B3GLCT: variants seen among roughly 807,000 people sequenced by gnomAD.
B3GLCT encodes the protein beta-1,3-glucosyltransferase.
Under a neutral mutation model 63.4 loss-of-function variants are expected in B3GLCT, and 65 were observed. The observed-to-expected ratio is 1.03, with a 90% CI of 0.84 to 1.26. The LOEUF (loss-of-function observed/expected upper bound fraction) is 1.26, where lower values mean the gene tolerates loss of function less well. Among genes scored for constraint, B3GLCT ranks in the 50% most tolerant of loss-of-function variants. The pLI is 0.00. For synonymous variants in B3GLCT, 233 were observed against 219.2 expected (o/e 1.06, Z -0.55); for missense variants, 577 against 604.8 (o/e 0.95, Z 0.48).
At chr13:31,277,454 A>T (rs2137863715) in intron 10 of B3GLCT, among the ~76,000 whole-genome samples, 1 of 151,764 alleles carries the variant, frequency 6.6e-6, no homozygotes, top group African/African-American at 2.4e-5. Flanking sequence ...CCTTATTTCA[A>T]GCAACACTTT....
chr13:31,264,609 A>G (rs1872203161), intron 7 of B3GLCT, among the ~76,000 whole-genome samples: 2 of 152,200 alleles, frequency 1.3e-5, no homozygotes, highest in Non-Finnish European at 1.5e-5. Flanking sequence ...CCCATCTAGC[A>G]TAGCAACTAT....
chr13:31,222,927 T>A, intron 2 of B3GLCT, 25 bp from the exon 3 acceptor site: 3 of 1,456,632 alleles, frequency 2.1e-6, no homozygotes, highest in Non-Finnish European at 2.9e-6. Context: ...GAGATTCATC[T>A]TTTTCTCTTT....
intron 1 of B3GLCT, among the ~76,000 whole-genome samples, chr13:31,200,543 T>TGGCGGC (rs890866549): frequency 6.7e-6 from 1 of 149,628 alleles, no homozygotes; most frequent in African/African-American, 2.4e-5. Flanking sequence ...ACAGCGCGAG[T>TGGCGGC]GGCGGCGGCG....
chr13:31,217,065 A>G (rs1869600609), intron 2 of B3GLCT, among the ~76,000 whole-genome samples: 1 of 152,232 alleles, frequency 6.6e-6, no homozygotes, highest in Non-Finnish European at 1.5e-5. Flanking sequence ...CACCAGCCAT[A>G]TGTAAGTGTT....
chr13:31,304,639 ATT>A (rs1349802161), intron 12 of B3GLCT, among the ~76,000 whole-genome samples: 3 of 40,116 alleles, frequency 7.5e-5, no homozygotes, highest in Admixed American at 7.0e-4. Context: ...TATCCTAAAT[ATT>A]TATGCACCCA....
intron 12 of B3GLCT, among the ~76,000 whole-genome samples, chr13:31,315,578 A>ATT (rs1874954864): frequency 6.6e-6 from 1 of 152,240 alleles, no homozygotes; most frequent in African/African-American, 2.4e-5. Flanking sequence ...ATTGGAACTT[A>ATT]TTAAAAGGGA....
rs543058067 is a variant in B3GLCT, at chr13:31,310,685, A to T, written c.1065-6881A>T. On this transcript the variant is annotated intron_variant, in intron 12 of 14. Coordinates refer to ENST00000343307, the MANE Select transcript of B3GLCT (RefSeq NM_194318.4). ...TGCCCCCATTCACGAAAGCATGCAGATGGTAGGAATGAATGAGCTATAACA... is the reference window on the plus strand; with the variant it reads ...TGCCCCCATTCACGAAAGCATGCAGTTGGTAGGAATGAATGAGCTATAACA... Among the ~76,000 whole-genome samples the T allele has an allele frequency of 6.0e-3, 910 of 152,284 alleles. 14 individuals carry two copies. Among genetic ancestry groups the T allele is most frequent in the African/African-American group, 0.021 (865 of 41,554 alleles).
intron 3 of B3GLCT, among the ~76,000 whole-genome samples, chr13:31,225,404 A>G (rs1000067647): frequency 6.6e-6 from 1 of 152,218 alleles, no homozygotes; most frequent in African/African-American, 2.4e-5. Flanking sequence ...CTCAGCCAGA[A>G]TGTGATTCAG....
chr13:31,243,357 T>A (rs929384853), intron 4 of B3GLCT, among the ~76,000 whole-genome samples: 1 of 152,214 alleles, frequency 6.6e-6, no homozygotes, highest in Admixed American at 6.5e-5. Flanking sequence ...CAGCACCATG[T>A]AGTTTAATTG....
intron 1 of B3GLCT, among the ~76,000 whole-genome samples, chr13:31,202,492 T>C (rs200507425): frequency 7.0e-4 from 107 of 152,340 alleles, no homozygotes; most frequent in East Asian, 1.5e-3. Context: ...GTAGCAGAGA[T>C]TGACAGCCAC....
At position 31,329,800 on chromosome 13, in the gene B3GLCT, T is replaced by A. The variant is rs1875824909; in HGVS notation, c.*132T>A. 1 of 979,174 alleles carries A rather than the reference T, an allele frequency of 1.0e-6. No individual in the cohort carries two copies. The highest frequency in any genetic ancestry group is 1.6e-6 in the Non-Finnish European group (1 of 639,734). 60.7% of individuals were successfully genotyped at this position (979,174 alleles called of 1,614,324 possible). On this transcript the variant is annotated 3_prime_UTR_variant, in exon 15 of 15. Transcript: ENST00000343307. Reference sequence around the variant, plus strand: ...GTGCTTCCTGACTTTAGGGGGAGATTTTATGTATGGTATTTTTTGACAGAG... The same window carrying A: ...GTGCTTCCTGACTTTAGGGGGAGATATTATGTATGGTATTTTTTGACAGAG...
chr13:31,259,702 C>CTG (rs1164752690), intron 6 of B3GLCT, among the ~76,000 whole-genome samples: 1 of 151,930 alleles, frequency 6.6e-6, no homozygotes, highest in African/African-American at 2.4e-5. Flanking sequence ...CTGCTTTTGG[C>CTG]TGTGTGCTAT....
At position 31,323,827 on chromosome 13, in the gene B3GLCT, G is replaced by T; in HGVS notation, c.1261G>T (p.Asp421Tyr). Residue 421 changes from aspartate (D) to tyrosine (Y), a missense_variant, in exon 14 of 15, where the codon GAT (aspartate) becomes TAT (tyrosine). By Grantham distance (160) the Asp-to-Tyr change is radical. Transcript: ENST00000343307. ...CRCYSNDAPD[D>Y]MVLGMCFSGL... The stretch of plus-strand genomic sequence containing the variant: ...ATGCTACAGCAATGATGCTCCCGAT[G>T]ATATGGTCCTGGGAATGTGCTTTAG... 1.2e-6 allele frequency: 2 copies of T among 1,614,172 alleles called. No individual in the cohort carries two copies. Among genetic ancestry groups the T allele is most frequent in the African/African-American group, 1.3e-5 (1 of 75,054 alleles).
chr13:31,236,193 A>G (rs1211958828), intron 4 of B3GLCT, among the ~76,000 whole-genome samples: 3 of 152,174 alleles, frequency 2.0e-5, no homozygotes, highest in African/African-American at 7.2e-5. Flanking sequence ...TGCCAAACAC[A>G]CACAGCATTA....
chr13:31,284,653 A>T lies in B3GLCT; in HGVS notation c.856A>T (p.Ile286Phe), dbSNP rs116754126. The change falls in exon 11 of 15, where the codon ATT (isoleucine) becomes TTT (phenylalanine). Residue 286 changes from isoleucine (I) to phenylalanine (F), a missense_variant. Physicochemically the swap from Ile to Phe is conservative, Grantham distance 21. Coordinates refer to ENST00000343307, the MANE Select transcript of B3GLCT (RefSeq NM_194318.4). The part of the protein sequence containing the change: ...CKKFHGDRIP[I>F]VKQTWESQAS... ...CACCTCTGTAATTTTTTCAGTACCT[A>T]TTGTTAAGCAGACTTGGGAGAGCCA... 17 of 1,584,626 alleles carry T rather than the reference A, an allele frequency of 1.1e-5. No individual in the cohort carries two copies. In the Admixed American group the frequency reaches 2.5e-4, roughly 23 times the overall value.
intron 13 of B3GLCT, among the ~76,000 whole-genome samples, chr13:31,321,444 A>T (rs1350989057): frequency 6.6e-6 from 1 of 152,242 alleles, no homozygotes; most frequent in African/African-American, 2.4e-5. Flanking sequence ...TGAACTATTG[A>T]GTGGAATAGA....
chr13:31,278,293 T>C (rs1471136778), intron 10 of B3GLCT, among the ~76,000 whole-genome samples: 1 of 152,250 alleles, frequency 6.6e-6, no homozygotes, highest in Non-Finnish European at 1.5e-5. Flanking sequence ...TTTGTTAATT[T>C]TGATTTAGTA....
chr13:31,226,231 A>G (rs1870096471), intron 3 of B3GLCT, among the ~76,000 whole-genome samples: 1 of 152,210 alleles, frequency 6.6e-6, no homozygotes. Flanking sequence ...TGGCCTGCCT[A>G]TGAACGAGGC....
intron 14 of B3GLCT, among the ~76,000 whole-genome samples, chr13:31,328,692 C>CAAA (rs34729471): frequency 0.017 from 766 of 44,652 alleles, 53 homozygotes; most frequent in African/African-American, 0.049. Context: ...AACTCCATCT[C>CAAA]AAAAAAAAAA....
Sources: allele counts gnomAD v4.1 joint callset (sites outside exome capture counted in the v4.1 genomes callset), GRCh38; gene constraint gnomAD v4.1.1; transcripts MANE v1.5; gene names NCBI Gene and HGNC (gene_info 2026-07-23, HGNC 2026-07-21).